LARP4B: variants seen among roughly 807,000 people sequenced by gnomAD.
LARP4B encodes the protein la-related protein 4B.
Under a neutral mutation model 89.8 loss-of-function variants are expected in LARP4B, and 12 were observed. The ratio of observed to expected loss-of-function variants is 0.13; its 90% CI spans 0.09 to 0.22. The LOEUF is 0.22. Ranked by LOEUF, LARP4B falls within the 10% of genes least tolerant of loss-of-function variation. The pLI, the probability that LARP4B is intolerant of heterozygous loss-of-function variation, is 1.00. For missense variants in LARP4B, 757 were observed against 947.7 expected (o/e 0.80, Z 2.64); for synonymous variants, 367 against 363.3 (o/e 1.01, Z -0.12).
At chr10:983,279 A>T in the LARP4B span, among the ~76,000 whole-genome samples, 1 of 152,186 alleles carries the variant, frequency 6.6e-6, no homozygotes, top group African/African-American at 2.4e-5. Flanking sequence ...TTTAATTGTC[A>T]AATTCATTCC....
intron 1 of LARP4B, among the ~76,000 whole-genome samples, chr10:893,479 A>T (rs752590760): frequency 9.2e-5 from 14 of 152,162 alleles, no homozygotes; most frequent in African/African-American, 3.4e-4. Flanking sequence ...AACTTTTTAA[A>T]CTACAGTACA....
chr10:902,174 T>C (rs529247306), intron 1 of LARP4B, among the ~76,000 whole-genome samples: 34 of 152,322 alleles, frequency 2.2e-4, no homozygotes, highest in African/African-American at 7.5e-4. Context: ...GTTTAGATCA[T>C]CTCATTAACC....
chr10:974,995 T>G, the LARP4B span, among the ~76,000 whole-genome samples: 118 of 152,352 alleles, frequency 7.7e-4, no homozygotes, highest in Non-Finnish European at 2.2e-4. Flanking sequence ...CACTGTTCAG[T>G]GGCTGGGATG....
chr10:833,338 C>T (rs908879973), intron 8 of LARP4B, among the ~76,000 whole-genome samples: 7 of 145,000 alleles, frequency 4.8e-5, no homozygotes, highest in Admixed American at 3.5e-4. Context: ...CATACAAAGC[C>T]GTCCTGGGCG....
intron 1 of LARP4B, among the ~76,000 whole-genome samples, chr10:925,813 C>T (rs112948453): frequency 0.021 from 3,142 of 152,200 alleles, 94 homozygotes; most frequent in African/African-American, 0.065. Flanking sequence ...GGATTACAGG[C>T]GTGAATCAAA....
intron 3 of LARP4B, among the ~76,000 whole-genome samples, chr10:880,282 T>C (rs1296926279): frequency 6.6e-6 from 1 of 152,200 alleles, no homozygotes; most frequent in African/African-American, 2.4e-5. Context: ...TGCTAATTAA[T>C]AGTTATTCAT....
chr10:850,031 G>A (rs1006153168), intron 5 of LARP4B, among the ~76,000 whole-genome samples: 4 of 152,260 alleles, frequency 2.6e-5, no homozygotes, highest in East Asian at 3.9e-4. Flanking sequence ...GTTAGGTTAC[G>A]ATGTATCACT....
At chr10:871,541 A>G (rs894155021) in intron 3 of LARP4B, among the ~76,000 whole-genome samples, 1 of 151,980 alleles carries the variant, frequency 6.6e-6, no homozygotes, top group Non-Finnish European at 1.5e-5. Flanking sequence ...TTCTTGGTAA[A>G]AGGCACTATT....
At chr10:827,982 CAG>C (rs1477452001) in intron 11 of LARP4B, among the ~76,000 whole-genome samples, 2 of 152,204 alleles carry the variant, frequency 1.3e-5, no homozygotes, top group African/African-American at 4.8e-5. Context: ...GTTCCAGACT[CAG>C]GGGGAATTGG....
chr10:874,986 T>C (rs1279666363), intron 3 of LARP4B, among the ~76,000 whole-genome samples: 1 of 152,196 alleles, frequency 6.6e-6, no homozygotes, highest in Non-Finnish European at 1.5e-5. Flanking sequence ...TAATTCACTG[T>C]ACAGATAAGG....
chr10:979,700 G>A, the LARP4B span, among the ~76,000 whole-genome samples: 212 of 152,274 alleles, frequency 1.4e-3, no homozygotes, highest in South Asian at 7.2e-3. Context: ...AGCCAGATGC[G>A]GTGGCTGATG....
intron 1 of LARP4B, among the ~76,000 whole-genome samples, chr10:916,377 C>T (rs1452035643): frequency 1.3e-5 from 2 of 152,114 alleles, no homozygotes; most frequent in Non-Finnish European, 2.9e-5. Flanking sequence ...CAAGGGAATT[C>T]ATGGAAAATA....
the LARP4B span, among the ~76,000 whole-genome samples, chr10:982,383 G>A: frequency 3.8e-3 from 579 of 152,048 alleles, 4 homozygotes; most frequent in African/African-American, 0.013. Flanking sequence ...GAGACACTGC[G>A]CCCAGCCTCA....
the LARP4B span, among the ~76,000 whole-genome samples, chr10:950,769 T>C: frequency 6.6e-6 from 1 of 152,326 alleles, no homozygotes; most frequent in East Asian, 1.9e-4. Context: ...TATTGTATTA[T>C]TCATTTTGGT....
intron 8 of LARP4B, among the ~76,000 whole-genome samples, chr10:833,275 A>AAC (rs1833014306): frequency 6.9e-6 from 1 of 145,266 alleles, no homozygotes; most frequent in Non-Finnish European, 1.5e-5. Flanking sequence ...AAAAAAAAAA[A>AAC]AAAAAAAAAC....
chr10:975,123 T>C, the LARP4B span, among the ~76,000 whole-genome samples: 1 of 152,214 alleles, frequency 6.6e-6, no homozygotes, highest in Non-Finnish European at 1.5e-5. Flanking sequence ...TACATAAAAA[T>C]TTGATGTTTA....
intron 3 of LARP4B, among the ~76,000 whole-genome samples, chr10:871,343 G>C (rs1174487663): frequency 1.3e-5 from 2 of 152,084 alleles, no homozygotes; most frequent in Non-Finnish European, 2.9e-5. Context: ...GCCATCGGGG[G>C]GCACTCCTTG....
In LARP4B at chr10:869,048, T is replaced by C. The variant is rs1483581040; in HGVS notation, c.142-4778A>G. On this transcript the variant is annotated intron_variant, in intron 3 of 17. Transcript: ENST00000316157. Reference sequence around the variant, plus strand: ...AGAATTTCTGGAAAGATGCTCAAATTAGCTGCCCATAGAGTCATTTGCTAA... The same window carrying C: ...AGAATTTCTGGAAAGATGCTCAAATCAGCTGCCCATAGAGTCATTTGCTAA... Among the ~76,000 whole-genome samples the C allele has an allele frequency of 2.0e-5, 3 of 152,180 alleles. No individual in the cohort carries two copies. In the East Asian group the frequency reaches 5.8e-4, roughly 29 times the overall value.
chr10:878,796 T>C (rs1053472309), intron 3 of LARP4B, among the ~76,000 whole-genome samples: 2 of 152,240 alleles, frequency 1.3e-5, no homozygotes, highest in African/African-American at 4.8e-5. Context: ...AAAGTTGATT[T>C]ATAAATCTAC....
Sources: allele counts gnomAD v4.1 joint callset (sites outside exome capture counted in the v4.1 genomes callset), GRCh38; gene constraint gnomAD v4.1.1; transcripts MANE v1.5; gene names NCBI Gene and HGNC (gene_info 2026-07-23, HGNC 2026-07-21).